Variants in NOCT observed in about 807,000 individuals in gnomAD.
NOCT encodes nocturnin.
Under a neutral mutation model 35.0 loss-of-function variants are expected in NOCT, and 18 were observed. The observed-to-expected ratio is 0.51, with a 90% confidence interval of 0.36 to 0.76. NOCT has a LOEUF of 0.76. Ranked by LOEUF, NOCT falls within the 30% of genes least tolerant of loss-of-function variation. The pLI, the probability that NOCT is intolerant of heterozygous loss-of-function variation, is 0.01. For missense variants in NOCT, 479 were observed against 541.0 expected, an observed-to-expected ratio of 0.89 and a Z score of 1.14; for synonymous variants, 235 against 226.3, an observed-to-expected ratio of 1.04 and a Z score of -0.34.
intron 1 of NOCT, among the ~76,000 whole-genome samples, chr4:139,017,613 C>G (rs979989817): frequency 1.3e-5 from 2 of 151,110 alleles, no homozygotes; most frequent in Non-Finnish European, 3.0e-5. Context: ...GTAGATCACC[C>G]GAGGTCAGGA....
At chr4:139,033,973 C>T (rs906748219) in intron 1 of NOCT, among the ~76,000 whole-genome samples, 2 of 152,146 alleles carry the variant, frequency 1.3e-5, no homozygotes, top group Non-Finnish European at 2.9e-5. Flanking sequence ...ATCCACCCAC[C>T]TCAGCCTCCC....
At position 139,044,811 on chromosome 4, in the gene NOCT, C is replaced by T. The variant is rs774696490; in HGVS notation, c.633C>T (p.Gly211=). The T allele has an allele frequency of 6.8e-6, 11 of 1,614,212 alleles. No individual in the cohort carries two copies. The highest frequency in any genetic ancestry group is 8.5e-6 in the Non-Finnish European group (10 of 1,180,050). ...DTFQPLLSRL[G]YQGTFFPKPW... ...TCCAGCCACTCCTCAGTAGACTAGG[C>T]TATCAAGGCACGTTTTTCCCCAAAC... The change falls in exon 3 of 3, where the codon GGC becomes GGT. Residue 211 remains glycine (G), a synonymous_variant. Transcript: ENST00000280614.
intron 1 of NOCT, among the ~76,000 whole-genome samples, chr4:139,042,149 C>G (rs572782790): frequency 1.4e-5 from 2 of 143,996 alleles, no homozygotes; most frequent in East Asian, 4.2e-4. Flanking sequence ...CTCACTGCAA[C>G]CACCATCTCC....
chr4:139,036,223 C>T (rs759959812), intron 1 of NOCT, among the ~76,000 whole-genome samples: 6 of 152,094 alleles, frequency 3.9e-5, no homozygotes, highest in Non-Finnish European at 7.4e-5. Context: ...GTCTGGTACA[C>T]GGTAGGCACT....
chr4:139,037,904 G>GGA (rs901935353), intron 1 of NOCT, among the ~76,000 whole-genome samples: 71 of 133,776 alleles, frequency 5.3e-4, no homozygotes, highest in Middle Eastern at 3.9e-3. Flanking sequence ...GCCCTTTGGG[G>GGA]AAAAAAAAAA....
At chr4:139,021,625 T>TA (rs948822336) in intron 1 of NOCT, among the ~76,000 whole-genome samples, 2 of 152,120 alleles carry the variant, frequency 1.3e-5, no homozygotes, top group African/African-American at 4.8e-5. Flanking sequence ...AGTCACAACT[T>TA]AGAGTAAAAT....
chr4:139,037,356 C>T (rs1303959966), intron 1 of NOCT, among the ~76,000 whole-genome samples: 2 of 152,238 alleles, frequency 1.3e-5, no homozygotes, highest in African/African-American at 2.4e-5. Flanking sequence ...GTAGTGTTAT[C>T]ACACCTGACA....
At chr4:139,021,602 T>C (rs549518203) in intron 1 of NOCT, among the ~76,000 whole-genome samples, 2 of 152,144 alleles carry the variant, frequency 1.3e-5, no homozygotes, top group South Asian at 4.2e-4. Context: ...AGTGTATCCA[T>C]GTAGTCACTC....
In NOCT at chr4:139,043,980, G is replaced by GTATATATATATATATA. The variant is rs59044230; in HGVS notation, c.460+646_461-635dup. On this transcript the variant is annotated intron_variant, in intron 2 of 2. Coordinates refer to ENST00000280614, the MANE Select transcript of NOCT (RefSeq NM_012118.4). ...GTGAGACACTGTCTCAAAAAAATAT[G>GTATATATATATATATA]TATATATATATATATATATATATAC... The GTATATATATATATATA allele has an allele frequency of 7.2e-4, 97 of 135,372 alleles. 2 individuals carry two copies. The highest frequency in any genetic ancestry group is 2.3e-3 in the African/African-American group (82 of 35,074). 8.4% of individuals were successfully genotyped at this position (135,372 alleles called of 1,614,324 possible).
chr4:139,029,820 G>A (rs866220751), intron 1 of NOCT, among the ~76,000 whole-genome samples: 4 of 152,142 alleles, frequency 2.6e-5, no homozygotes, highest in African/African-American at 4.8e-5. Context: ...TTCAGGGGAC[G>A]TGTCACATTG....
At chr4:139,022,926 C>T (rs1560729435) in intron 1 of NOCT, among the ~76,000 whole-genome samples, 1 of 151,972 alleles carries the variant, frequency 6.6e-6, no homozygotes, top group Non-Finnish European at 1.5e-5. Context: ...TGGCAAAAAC[C>T]CCATCTTTAT....
At chr4:139,030,147 G>A (rs1034951471) in intron 1 of NOCT, among the ~76,000 whole-genome samples, 1 of 152,130 alleles carries the variant, frequency 6.6e-6, no homozygotes, top group Admixed American at 6.5e-5. Context: ...TCAAAGTGCT[G>A]AGACTACAGG....
chr4:139,028,911 G>A (rs1007495041), intron 1 of NOCT, among the ~76,000 whole-genome samples: 1 of 152,014 alleles, frequency 6.6e-6, no homozygotes, highest in Non-Finnish European at 1.5e-5. Context: ...GCGTGATCTC[G>A]GCTCACTGCA....
At chr4:139,037,272 C>T (rs1726753254) in intron 1 of NOCT, among the ~76,000 whole-genome samples, 1 of 152,134 alleles carries the variant, frequency 6.6e-6, no homozygotes, top group African/African-American at 2.4e-5. Context: ...TGCTCATCTA[C>T]AGTGAAACAA....
chr4:139,019,644 C>T (rs1005296441), intron 1 of NOCT, among the ~76,000 whole-genome samples: 3 of 152,078 alleles, frequency 2.0e-5, no homozygotes, highest in Admixed American at 2.0e-4. Flanking sequence ...TGCCCCTTGG[C>T]AATTGGTAGT....
chr4:139,031,704 C>T (rs13151404), intron 1 of NOCT, among the ~76,000 whole-genome samples: 1 of 151,890 alleles, frequency 6.6e-6, no homozygotes, highest in Non-Finnish European at 1.5e-5. Context: ...GATTAGCCCA[C>T]TTGTGGGTTT....
At chr4:139,019,146 C>T (rs1229449933) in intron 1 of NOCT, among the ~76,000 whole-genome samples, 2 of 152,202 alleles carry the variant, frequency 1.3e-5, no homozygotes, top group Non-Finnish European at 2.9e-5. Flanking sequence ...ACCTCCACCT[C>T]CCAGGCTCAA....
intron 1 of NOCT, among the ~76,000 whole-genome samples, chr4:139,039,727 TTTTTG>T (rs1265346982): frequency 1.3e-5 from 2 of 152,166 alleles, no homozygotes; most frequent in Admixed American, 6.6e-5. Flanking sequence ...GTCTTGTATC[TTTTTG>T]TTTTGTTTTG....
chr4:139,037,271 A>G (rs1177348662), intron 1 of NOCT, among the ~76,000 whole-genome samples: 1 of 152,238 alleles, frequency 6.6e-6, no homozygotes, highest in African/African-American at 2.4e-5. Context: ...GTGCTCATCT[A>G]CAGTGAAACA....
Sources: allele counts gnomAD v4.1 joint callset (sites outside exome capture counted in the v4.1 genomes callset), GRCh38; gene constraint gnomAD v4.1.1; transcripts MANE v1.5; gene names NCBI Gene and HGNC (gene_info 2026-07-23, HGNC 2026-07-21).